CUL4A: variants seen among roughly 807,000 people sequenced by gnomAD.
The protein encoded by CUL4A is cullin-4A.
A neutral mutation model predicts 95.5 loss-of-function variants in CUL4A; 16 were observed. The observed-to-expected ratio is 0.17, with a 90% CI of 0.11 to 0.25. The LOEUF is 0.25. Ranked by LOEUF, CUL4A falls within the 10% of genes least tolerant of loss-of-function variation. The pLI, the probability that CUL4A is intolerant of heterozygous loss-of-function variation, is 1.00. For missense variants in CUL4A, 610 were observed against 937.0 expected (o/e 0.65, Z 4.56); for synonymous variants, 380 against 353.1 (o/e 1.08, Z -0.85).
chr13:113,260,752 C>T lies in CUL4A; in HGVS notation c.2177C>T (p.Pro726Leu). Reference sequence around the variant, plus strand: ...GAATTATATAATCAGCTGAAATTTCCAGTAAAGGTAAATGTAACATTAGCA... The same window carrying T: ...GAATTATATAATCAGCTGAAATTTCTAGTAAAGGTAAATGTAACATTAGCA... ...VSELYNQLKF[P>L]VKPGDLKKRI... Residue 726 changes from proline to leucine, a missense_variant, in exon 19 of 20, where the codon CCA (proline) becomes CTA (leucine). Physicochemically the swap from Pro to Leu is moderately conservative, Grantham distance 98. Coordinates refer to ENST00000375440, the MANE Select transcript of CUL4A (RefSeq NM_001008895.4). 1 of 1,572,944 alleles carries T rather than the reference C, an allele frequency of 6.4e-7. No individual in the cohort carries two copies. The highest frequency in any genetic ancestry group is 8.6e-7 in the Non-Finnish European group (1 of 1,158,370).
Position 113,237,416 on chromosome 13 carries a change from G to A in CUL4A, c.916+526G>A, listed in dbSNP as rs549484572. ...GAAGAGCATGTGTTCTAGTGCTGAC[G>A]GCGCGGCCTTCACGTCCGCTTCTCC... On this transcript the variant is annotated intron_variant, in intron 9 of 19. Transcript: ENST00000375440. Among the ~76,000 whole-genome samples, 5 of 152,318 alleles carry A rather than the reference G, an allele frequency of 3.3e-5. No homozygotes were observed. The East Asian group carries it at 5.8e-4, about 18-fold the overall frequency.
At chr13:113,208,803 T>G (rs2040180401), upstream of CUL4A, 4 of 1,414,016 alleles carry the variant, frequency 2.8e-6, no homozygotes, top group Non-Finnish European at 3.7e-6. Context: ...GCGCTCGGGC[T>G]GAGGGGGCCC....
chr13:113,243,311 A>G (rs2041771819), intron 11 of CUL4A, 151 bp downstream of exon 11: 2 of 663,262 alleles, frequency 3.0e-6, no homozygotes, highest in African/African-American at 1.8e-5. Context: ...ATCAAGTCTT[A>G]TTAGGACACA....
chr13:113,240,619 A>C (rs1473602482), intron 10 of CUL4A, among the ~76,000 whole-genome samples: 1 of 152,264 alleles, frequency 6.6e-6, no homozygotes, highest in African/African-American at 2.4e-5. Context: ...AGAAAAGCCA[A>C]TCACAGATAC....
At chr13:113,219,998 G>A (rs1329434951) in intron 3 of CUL4A, among the ~76,000 whole-genome samples, 2 of 152,202 alleles carry the variant, frequency 1.3e-5, no homozygotes, top group Non-Finnish European at 2.9e-5. Context: ...GTTTATAATT[G>A]CAGAAAATCT....
chr13:113,228,231 C>G (rs1163520211), intron 4 of CUL4A, among the ~76,000 whole-genome samples, 186 bp downstream of exon 4: 1 of 152,172 alleles, frequency 6.6e-6, no homozygotes. Flanking sequence ...ACCACTGACC[C>G]TCTTGGCCTT....
intron 8 of CUL4A, among the ~76,000 whole-genome samples, chr13:113,235,767 G>C (rs111413436): frequency 1.3e-5 from 2 of 151,962 alleles, no homozygotes; most frequent in African/African-American, 4.8e-5. Context: ...TCAGGAGATC[G>C]AGACCATCCT....
rs1351049791 is a variant in CUL4A, at chr13:113,254,980, A to T, written c.1886A>T (p.Gln629Leu). Residue 629 changes from glutamine to leucine, a missense_variant, in exon 18 of 20, where the codon CAG becomes CTG. Gln to Leu is a moderately radical substitution (Grantham distance 113). Transcript: ENST00000375440. ...GATAGTGAATTGCGCAGAACGCTGC[A>T]GTCCCTGGCCTGTGGCAAAGCACGT... is the stretch of plus-strand genomic sequence containing the variant. ...IEDSELRRTL[Q>L]SLACGKARVL... 1.9e-6 allele frequency: 3 copies of T among 1,613,688 alleles called. 1 individual carries two copies. Among genetic ancestry groups the T allele is most frequent in the Non-Finnish European group, 2.5e-6 (3 of 1,179,808 alleles).
intron 3 of CUL4A, among the ~76,000 whole-genome samples, chr13:113,222,462 C>T (rs960231928): frequency 5.3e-5 from 8 of 151,482 alleles, no homozygotes; most frequent in Admixed American, 2.6e-4. Context: ...GAGGGTCTGT[C>T]GTGGTCACGT....
chr13:113,244,176 G>A, intron 11 of CUL4A: 1 of 401,212 alleles, frequency 2.5e-6, no homozygotes, highest in Non-Finnish European at 4.5e-6. Context: ...TTAAAGATAA[G>A]AAAGATATTT....
At chr13:113,236,171 CAGAG>C (rs147773636) in intron 8 of CUL4A, among the ~76,000 whole-genome samples, 2 of 152,104 alleles carry the variant, frequency 1.3e-5, no homozygotes, top group Admixed American at 6.5e-5. Flanking sequence ...AGCACAAAAA[CAGAG>C]AGGGTGCAGA....
intron 3 of CUL4A, among the ~76,000 whole-genome samples, chr13:113,220,488 G>A (rs570242902): frequency 2.5e-4 from 38 of 152,318 alleles, no homozygotes; most frequent in African/African-American, 7.2e-4. Context: ...CCAGTGCCAC[G>A]GCTCAGCAAT....
chr13:113,249,283 A>G (rs374073548), intron 15 of CUL4A, among the ~76,000 whole-genome samples: 2 of 149,908 alleles, frequency 1.3e-5, no homozygotes, highest in African/African-American at 4.9e-5. Flanking sequence ...TCCATGCTGT[A>G]CCATACATGA....
chr13:113,209,783 C>A lies in CUL4A; in HGVS notation c.148+8C>A, dbSNP rs1262573018. ...TCATCAAGAACTTCCGAGGTGGGTG[C>A]GGCGGCCGGGTCGAGGGCCAGGCGC... On this transcript the variant is annotated splice_region_variant and intron_variant, in intron 1 of 19. Transcript: ENST00000375440. 3.4e-6 allele frequency: 4 copies of A among 1,176,162 alleles called. No homozygotes were observed. The African/African-American group carries it at 4.8e-5, about 14-fold the overall frequency. The allele number at this position is 1,176,162 out of a possible 1,614,324, so 72.9% of individuals were successfully genotyped here. A position where few individuals can be genotyped will look rare whatever the true frequency, so the allele number is the denominator to read the frequency against.
chr13:113,250,379 G>A (rs184690865), intron 15 of CUL4A, among the ~76,000 whole-genome samples: 97 of 152,298 alleles, frequency 6.4e-4, no homozygotes, highest in African/African-American at 2.2e-3. Context: ...CTGAGTCTGG[G>A]AGGTTAAGGC....
intron 18 of CUL4A, among the ~76,000 whole-genome samples, chr13:113,256,923 T>C (rs1025427324): frequency 1.4e-5 from 2 of 140,276 alleles, no homozygotes; most frequent in African/African-American, 2.7e-5. Flanking sequence ...CTTTTTTTTT[T>C]TCGTTTTTTT....
intron 19 of CUL4A, among the ~76,000 whole-genome samples, chr13:113,262,104 C>G (rs578091848): frequency 6.6e-6 from 1 of 152,268 alleles, no homozygotes; most frequent in South Asian, 2.1e-4. Flanking sequence ...AAATGTGTGG[C>G]TTATCACTGA....
intron 15 of CUL4A, 44 bp downstream of exon 15, chr13:113,246,107 C>G: frequency 7.0e-7 from 1 of 1,425,958 alleles, no homozygotes; most frequent in Non-Finnish European, 9.8e-7. Flanking sequence ...CTGTCATGCC[C>G]TTACCAGGCA....
intron 2 of CUL4A, among the ~76,000 whole-genome samples, chr13:113,213,144 T>C (rs991189339): frequency 2.0e-5 from 3 of 152,126 alleles, no homozygotes; most frequent in Non-Finnish European, 2.9e-5. Flanking sequence ...TCCCAGCACT[T>C]TGGGGGGCTG....
Sources: gnomAD v4.1 joint callset for allele counts (sites outside exome capture counted in the v4.1 genomes callset) on GRCh38, gnomAD v4.1.1 for gene constraint, MANE v1.5 for transcripts, NCBI Gene and HGNC (gene_info 2026-07-23, HGNC 2026-07-21) for gene names.